Variants in EIF4B observed in about 807,000 individuals in gnomAD.
EIF4B encodes the protein eukaryotic translation initiation factor 4B.
A neutral mutation model predicts 79.3 loss-of-function variants in EIF4B; 8 were observed. That is an observed-to-expected ratio of 0.10 (90% CI 0.06 to 0.18). The LOEUF (loss-of-function observed/expected upper bound fraction) is 0.18. Ranked by LOEUF, EIF4B falls within the 10% of genes least tolerant of loss-of-function variation. EIF4B has a pLI of 1.00. For synonymous variants in EIF4B, 238 were observed against 274.7 expected, an observed-to-expected ratio of 0.87 and a Z score of 1.32; for missense variants, 515 against 792.4, an observed-to-expected ratio of 0.65 and a Z score of 4.20.
intron 1 of EIF4B, among the ~76,000 whole-genome samples, chr12:53,009,622 G>A (rs1258535191): frequency 6.6e-6 from 1 of 152,158 alleles, no homozygotes. Context: ...ATTTTTATAG[G>A]GAGAAGATGC....
Position 53,041,915 on chromosome 12 carries a change from G to A in EIF4B, c.*1692G>A, listed in dbSNP as rs555872646. ...TTTTAAAAAAGAAAAACAAACTATTGATTGTAGATAATGAAAAGCTAGGGT... is the reference window on the plus strand; with the variant it reads ...TTTTAAAAAAGAAAAACAAACTATTAATTGTAGATAATGAAAAGCTAGGGT... On this transcript the variant is annotated 3_prime_UTR_variant, in exon 15 of 15. Coordinates refer to ENST00000262056, the MANE Select transcript of EIF4B (RefSeq NM_001417.7). 2.6e-4 allele frequency: 39 copies of A among 152,576 alleles called. No individual in the cohort carries two copies. Among genetic ancestry groups the A allele is most frequent in the African/African-American group, 8.7e-4 (36 of 41,522 alleles). The allele number at this position is 152,576 out of a possible 1,614,324, so 9.5% of individuals were successfully genotyped here. A position where few individuals can be genotyped will look rare whatever the true frequency, so the allele number is the denominator to read the frequency against.
chr12:53,018,894 C>G lies in EIF4B; in HGVS notation c.248C>G (p.Pro83Arg), dbSNP rs1455766673. 1 of 1,613,888 alleles carries G rather than the reference C, an allele frequency of 6.2e-7. No homozygotes were observed. ...ACTGCTCCACGGGCTGCTCGGGAACCCAATATCGACCGGAGCCGTCTTCCC... is the reference window on the plus strand; with the variant it reads ...ACTGCTCCACGGGCTGCTCGGGAACGCAATATCGACCGGAGCCGTCTTCCC... ...LPTAPRAARE[P>R]NIDRSRLPKS... The change falls in exon 3 of 15, where the codon CCC becomes CGC. Residue 83 changes from proline (P) to arginine (R), a missense_variant. By Grantham distance (103) the Pro-to-Arg change is moderately radical (BLOSUM62 -2). Transcript: ENST00000262056.
At chr12:53,039,210 T>G in intron 12 of EIF4B, 28 bp from the exon 13 acceptor site, 1 of 1,506,726 alleles carries the variant, frequency 6.6e-7, no homozygotes, top group African/African-American at 1.4e-5. Flanking sequence ...TACTTGCCTT[T>G]AATTTGTTTA....
At chr12:53,031,079 G>A (rs939301347) in intron 8 of EIF4B, among the ~76,000 whole-genome samples, 1 of 152,122 alleles carries the variant, frequency 6.6e-6, no homozygotes, top group South Asian at 2.1e-4. Context: ...CTGCACCCAC[G>A]TTACTGGCCA....
At chr12:53,009,265 T>C (rs1943022269) in intron 1 of EIF4B, among the ~76,000 whole-genome samples, 1 of 152,176 alleles carries the variant, frequency 6.6e-6, no homozygotes. Context: ...GGCTCATGCC[T>C]GTAATCCCAG....
chr12:53,028,012 C>T lies in EIF4B; in HGVS notation c.806-3C>T, dbSNP rs546059046. On this transcript the variant is annotated splice_polypyrimidine_tract_variant and splice_region_variant and intron_variant, in intron 7 of 14. Transcript: ENST00000262056. ...ATGATTATAATTTGGGATATATTTACAGGCTATGATTCCCGGATAGGCAGT... is the reference window on the plus strand; with the variant it reads ...ATGATTATAATTTGGGATATATTTATAGGCTATGATTCCCGGATAGGCAGT... 2 of 1,609,026 alleles carry T rather than the reference C, an allele frequency of 1.2e-6. No homozygotes were observed. Among genetic ancestry groups the T allele is most frequent in the East Asian group, 2.2e-5 (1 of 44,794 alleles).
chr12:53,012,632 G>A (rs1394841966), intron 1 of EIF4B, among the ~76,000 whole-genome samples: 2 of 146,338 alleles, frequency 1.4e-5, no homozygotes, highest in Admixed American at 1.4e-4. Flanking sequence ...GGGGGACGGA[G>A]TCTCGCTTTG....
intron 10 of EIF4B, among the ~76,000 whole-genome samples, chr12:53,036,182 A>G (rs1943538198): frequency 6.6e-6 from 1 of 151,546 alleles, no homozygotes. Flanking sequence ...GCATGATCTC[A>G]GCACACTGCA....
chr12:53,025,659 G>GTTTTA lies in EIF4B; in HGVS notation c.668-2122_668-2121insTTTAT, dbSNP rs1377642768. On this transcript the variant is annotated intron_variant, in intron 6 of 14. Transcript: ENST00000262056. ...AAACACAGGGCTGATTTTCTTATAT[G>GTTTTA]TGTCCTGTTTTAGATCATTTCTATA... 2.6e-5 allele frequency among the ~76,000 whole-genome samples: 4 copies of GTTTTA among 152,122 alleles called. No homozygotes were observed. The East Asian group carries it at 7.7e-4, about 29-fold the overall frequency.
intron 6 of EIF4B, among the ~76,000 whole-genome samples, chr12:53,026,716 C>T (rs554603057): frequency 9.3e-4 from 142 of 152,108 alleles, no homozygotes; most frequent in Non-Finnish European, 1.8e-3. Flanking sequence ...ATCCTTCCAC[C>T]TCATCCTCCC....
In EIF4B at chr12:53,028,153, A is replaced by G; in HGVS notation, c.944A>G (p.Asp315Gly). ...RDDRSWSSRD[D>G]YSRDDYRRDD... is the part of the protein sequence containing the mutation. ...GATCGGTCGTGGAGCTCCAGAGATG[A>G]TTACTCTCGGGATGATTATAGGCGT... The change falls in exon 8 of 15, where the codon GAT (aspartate) becomes GGT (glycine). Residue 315 changes from aspartate to glycine, a missense_variant. Physicochemically the swap from Asp to Gly is moderately conservative, Grantham distance 94 (BLOSUM62 -1). Transcript: ENST00000262056. 6.2e-7 allele frequency: 1 copy of G among 1,612,330 alleles called. No homozygotes were observed.
intron 10 of EIF4B, 127 bp from the exon 11 acceptor site, chr12:53,037,282 T>A: frequency 1.0e-6 from 1 of 992,344 alleles, no homozygotes; most frequent in South Asian, 1.7e-5. Flanking sequence ...AAACCACTGG[T>A]TTAGGGATAA....
intron 3 of EIF4B, among the ~76,000 whole-genome samples, 173 bp from the exon 4 acceptor site, chr12:53,019,737 C>T (rs529838204): frequency 2.0e-5 from 3 of 146,402 alleles, no homozygotes; most frequent in African/African-American, 7.5e-5. Context: ...TATAATAGGG[C>T]ATTTAGTAAA....
Position 53,041,987 on chromosome 12 carries a change from CTG to C in EIF4B, c.*1766_*1767del, listed in dbSNP as rs921821781. The stretch of plus-strand genomic sequence containing the variant: ...TCCTTCCAAATAGTTATATCCAAAA[CTG>C]TTTTTCCCTCTCCCCTACCTTGTCC... On this transcript the variant is annotated 3_prime_UTR_variant, in exon 15 of 15. Transcript: ENST00000262056. 1 of 152,608 alleles carries C rather than the reference CTG, an allele frequency of 6.6e-6. No homozygotes were observed. The highest frequency in any genetic ancestry group is 1.5e-5 in the Non-Finnish European group (1 of 68,048). The allele number at this position is 152,608 out of a possible 1,614,324, so 9.5% of individuals were successfully genotyped here.
chr12:53,009,948 G>A (rs1288731354), intron 1 of EIF4B, among the ~76,000 whole-genome samples: 1 of 152,184 alleles, frequency 6.6e-6, no homozygotes, highest in East Asian at 1.9e-4. Flanking sequence ...CTTGAGTACA[G>A]TATTTTAAGT....
intron 8 of EIF4B, among the ~76,000 whole-genome samples, chr12:53,030,365 C>A (rs1323056126): frequency 6.9e-6 from 1 of 144,912 alleles, no homozygotes; most frequent in Non-Finnish European, 1.5e-5. Context: ...TAGTGAGACC[C>A]CATCTAAAAA....
rs1043421198 is a variant in EIF4B at position 53,037,620 on chromosome 12, A to C, written c.1518A>C (p.Thr506=). The C allele has an allele frequency of 3.7e-6, 6 of 1,613,774 alleles. No individual in the cohort carries two copies. Among genetic ancestry groups the C allele is most frequent in the Non-Finnish European group, 5.1e-6 (6 of 1,179,764 alleles). ...CAGACACAGAGCAGCAGTCCCCTACAAGGTGAGTCAGTTTGGAAACAGTAG... is the reference window on the plus strand; with the variant it reads ...CAGACACAGAGCAGCAGTCCCCTACCAGGTGAGTCAGTTTGGAAACAGTAG... ...QSSDTEQQSP[T]SGGGKVAPAQ... is the part of the protein sequence containing the mutation. Residue 506 remains threonine, a splice_region_variant and synonymous_variant, in exon 11 of 15, where the codon ACA becomes ACC. Transcript: ENST00000262056.
intron 1 of EIF4B, among the ~76,000 whole-genome samples, chr12:53,015,778 A>ACCAGCCTGGC (rs1228739900): frequency 1.3e-5 from 2 of 151,874 alleles, no homozygotes; most frequent in Non-Finnish European, 2.9e-5. Context: ...GGAGTTCAAG[A>ACCAGCCTGGC]CCAGCCTGGC....
At chr12:53,010,138 T>C (rs761451264) in intron 1 of EIF4B, among the ~76,000 whole-genome samples, 7 of 152,194 alleles carry the variant, frequency 4.6e-5, no homozygotes, top group African/African-American at 7.2e-5. Flanking sequence ...TGGGCACTTA[T>C]TTTGTTTGAT....
Sources: gnomAD v4.1 joint callset for allele counts (sites outside exome capture counted in the v4.1 genomes callset) on GRCh38, gnomAD v4.1.1 for gene constraint, MANE v1.5 for transcripts, NCBI Gene and HGNC (gene_info 2026-07-23, HGNC 2026-07-21) for gene names.